The following ITIH5 variants were observed in gnomAD, a reference collection of about 807,000 sequenced individuals.
ITIH5 encodes the protein inter-alpha-trypsin inhibitor heavy chain 5, also known as inter-alpha-trypsin inhibitor heavy chain H5.
A neutral mutation model predicts 77.5 loss-of-function variants in ITIH5; 65 were observed. That is an observed-to-expected ratio of 0.84 (90% CI 0.69 to 1.03). The LOEUF (loss-of-function observed/expected upper bound fraction) is 1.03. Among genes scored for constraint, ITIH5 ranks in the 50% least tolerant of loss-of-function variants. ITIH5 has a pLI of 0.00. For missense variants in ITIH5, 1,208 were observed against 1,213.1 expected (o/e 1.00, Z 0.06); for synonymous variants, 525 against 494.3 (o/e 1.06, Z -0.82).
intron 5 of ITIH5, chr10:7,617,593 A>G (rs951138242): frequency 5.3e-6 from 1 of 189,796 alleles, no homozygotes; most frequent in East Asian, 1.2e-4. Context: ...AACCTTTTGT[A>G]TGTTTTTATC....
intron 7 of ITIH5, chr10:7,609,424 A>T (rs1160289096): frequency 2.2e-6 from 1 of 456,492 alleles, no homozygotes; most frequent in African/African-American, 2.0e-5. Context: ...ACTCACCTGT[A>T]AGGTTACACA....
At chr10:7,572,183 A>G in intron 11 of ITIH5, 2 of 1,198,016 alleles carry the variant, frequency 1.7e-6, no homozygotes, top group Admixed American at 3.5e-5. Flanking sequence ...TCCACAGCTC[A>G]TCTCCGGGAT....
At chr10:7,567,242 T>C (rs1350236553) in intron 12 of ITIH5, among the ~76,000 whole-genome samples, 1 of 152,020 alleles carries the variant, frequency 6.6e-6, no homozygotes, top group Non-Finnish European at 1.5e-5. Context: ...AGTGTGGCTG[T>C]AGTGATAAGA....
Position 7,637,324 on chromosome 10 carries a change from T to A in ITIH5, c.556A>T (p.Ser186Cys). The A allele has an allele frequency of 6.2e-7, 1 of 1,614,062 alleles. No individual in the cohort carries two copies. Among genetic ancestry groups the A allele is most frequent in the South Asian group, 1.1e-5 (1 of 91,082 alleles). The change falls in exon 5 of 14, where the codon AGC becomes TGC. Residue 186 changes from serine to cysteine, a missense_variant. Physicochemically the swap from Ser to Cys is moderately radical, Grantham distance 112 (BLOSUM62 -1). Coordinates refer to ENST00000397146, the MANE Select transcript of ITIH5 (RefSeq NM_030569.7). ...VRPQQLSGRL[S>C]VDVNILESAG... ...CTCTCCAGGATATTCACGTCCACGCTCAGCCTCCCGGACAGCTGCTGGGGC... is the reference window on the plus strand; with the variant it reads ...CTCTCCAGGATATTCACGTCCACGCACAGCCTCCCGGACAGCTGCTGGGGC...
rs1832062475 is a variant in ITIH5, at chr10:7,562,806, T to G, written c.*277A>C. 2.2e-6 allele frequency: 1 copy of G among 464,560 alleles called. No homozygotes were observed. Among genetic ancestry groups the G allele is most frequent in the South Asian group, 2.9e-5 (1 of 34,208 alleles). 28.8% of individuals were successfully genotyped at this position (464,560 alleles called of 1,614,324 possible). A position where few individuals can be genotyped will look rare whatever the true frequency, so the allele number is the denominator to read the frequency against. ...GACAAGATACAGACTTTGTTGCATTTAGCTATGACCCTTCTCTCCCCTCTG... is the reference window on the plus strand; with the variant it reads ...GACAAGATACAGACTTTGTTGCATTGAGCTATGACCCTTCTCTCCCCTCTG... On this transcript the variant is annotated 3_prime_UTR_variant, in exon 14 of 14. Coordinates refer to ENST00000397146, the MANE Select transcript of ITIH5 (RefSeq NM_030569.7).
chr10:7,634,045 C>A (rs1006600856), intron 5 of ITIH5, among the ~76,000 whole-genome samples: 4 of 138,504 alleles, frequency 2.9e-5, no homozygotes, highest in African/African-American at 1.1e-4. Flanking sequence ...GCCGAGATCG[C>A]GCCACTGCAC....
chr10:7,635,886 A>T (rs1156326592), intron 5 of ITIH5, among the ~76,000 whole-genome samples: 1 of 152,176 alleles, frequency 6.6e-6, no homozygotes, highest in Non-Finnish European at 1.5e-5. Flanking sequence ...TTCCTGGGTC[A>T]TTCTATGATT....
intron 8 of ITIH5, among the ~76,000 whole-genome samples, chr10:7,581,721 CT>C (rs142992412): frequency 0.01 from 1,062 of 101,660 alleles, 14 homozygotes; most frequent in African/African-American, 0.03. Context: ...TCTTTTCCTT[CT>C]TTTTTTTTTT....
In ITIH5 at chr10:7,566,014, G is replaced by A; in HGVS notation, c.2527+16C>T. ...CTGCCCTCTATGCCCAGCGTGAGGAGAGCGCAGCTTCCTACCCAGCAGTCC... is the reference window on the plus strand; with the variant it reads ...CTGCCCTCTATGCCCAGCGTGAGGAAAGCGCAGCTTCCTACCCAGCAGTCC... On this transcript the variant is annotated intron_variant, in intron 13 of 13. Transcript: ENST00000397146. The A allele has an allele frequency of 1.2e-6, 2 of 1,608,608 alleles. No individual in the cohort carries two copies. The highest frequency in any genetic ancestry group is 2.2e-5 in the East Asian group (1 of 44,764).
At chr10:7,621,942 C>T (rs1196908264) in intron 5 of ITIH5, 2 of 152,206 alleles carry the variant, frequency 1.3e-5, no homozygotes, top group African/African-American at 4.8e-5. Context: ...ACCCACTTGT[C>T]TAATGAGAAC....
intron 5 of ITIH5, chr10:7,619,786 A>C: frequency 6.0e-6 from 1 of 166,182 alleles, no homozygotes; most frequent in African/African-American, 2.4e-5. Flanking sequence ...ACCTCCCACC[A>C]GGCCACTCCT....
At chr10:7,618,468 G>C (rs1026176254) in intron 5 of ITIH5, 2 of 152,126 alleles carry the variant, frequency 1.3e-5, no homozygotes, top group African/African-American at 4.8e-5. Flanking sequence ...GAATTATTTA[G>C]CAAACTACTC....
chr10:7,640,650 A>G, intron 4 of ITIH5, 104 bp downstream of exon 4: 1 of 693,882 alleles, frequency 1.4e-6, no homozygotes. Flanking sequence ...GAAAGAGAAA[A>G]GTATTTGGAG....
At chr10:7,586,267 G>A (rs1659741449) in intron 7 of ITIH5, among the ~76,000 whole-genome samples, 198 bp from the exon 8 acceptor site, 1 of 152,116 alleles carries the variant, frequency 6.6e-6, no homozygotes, top group Non-Finnish European at 1.5e-5. Context: ...TACGGTTGTA[G>A]ACACGAGTGA....
At chr10:7,572,550 A>T (rs1377872572) in intron 11 of ITIH5, 2 of 1,125,300 alleles carry the variant, frequency 1.8e-6, no homozygotes, top group Non-Finnish European at 2.3e-6. Flanking sequence ...TGAGGGTCAG[A>T]ATGTGCCTCT....
At chr10:7,622,351 T>C (rs896855015) in intron 5 of ITIH5, 1 of 152,228 alleles carries the variant, frequency 6.6e-6, no homozygotes, top group Non-Finnish European at 1.5e-5. Flanking sequence ...GTCCCACATC[T>C]GTTACATGGA....
chr10:7,572,918 C>T lies in ITIH5; in HGVS notation c.2032+224G>A, dbSNP rs1344629827. 1.6e-5 allele frequency: 7 copies of T among 450,756 alleles called. No individual in the cohort carries two copies. In the Admixed American group the frequency reaches 2.2e-4, roughly 14 times the overall value. 27.9% of individuals were successfully genotyped at this position (450,756 alleles called of 1,614,324 possible). On this transcript the variant is annotated intron_variant, in intron 11 of 13. Coordinates refer to ENST00000397146, the MANE Select transcript of ITIH5 (RefSeq NM_030569.7). ...TCAGCCTCCCCAGTAGCTGGAACTA[C>T]AGGCCCCTGCCACCATGCCTGGCTA...
intron 5 of ITIH5, among the ~76,000 whole-genome samples, chr10:7,627,258 C>G (rs770266539): frequency 2.1e-5 from 3 of 142,088 alleles, no homozygotes; most frequent in Non-Finnish European, 3.0e-5. Context: ...ACCTATGTAA[C>G]AAACCTGCAC....
In ITIH5 at chr10:7,579,969, C is replaced by T. The variant is rs768826767; in HGVS notation, c.1204G>A (p.Val402Ile). The part of the protein sequence containing the change: ...GIGDRSVSLI[V>I]FLTDGKPTVG... ...GTGGGCTTCCCATCCGTCAGGAAGACGATGAGGGACACGCTCCGGTCTCCA... is the reference window on the plus strand; with the variant it reads ...GTGGGCTTCCCATCCGTCAGGAAGATGATGAGGGACACGCTCCGGTCTCCA... The change falls in exon 9 of 14, where the codon GTC becomes ATC. Residue 402 changes from valine (V) to isoleucine (I), a missense_variant. Transcript: ENST00000397146. 8.7e-6 allele frequency: 14 copies of T among 1,614,082 alleles called. No homozygotes were observed. The highest frequency in any genetic ancestry group is 2.2e-5 in the East Asian group (1 of 44,900).
Sources: allele counts gnomAD v4.1 joint callset (sites outside exome capture counted in the v4.1 genomes callset), GRCh38; gene constraint gnomAD v4.1.1; transcripts MANE v1.5; gene names NCBI Gene and HGNC (gene_info 2026-07-23, HGNC 2026-07-21).